MALRD1: variants seen among roughly 807,000 people sequenced by gnomAD.
The protein encoded by MALRD1 is MAM and LDL-receptor class A domain-containing protein 1.
MALRD1 carries 247 observed loss-of-function variants against 242.1 expected under a neutral mutation model. The observed-to-expected ratio is 1.02, with a 90% confidence interval of 0.92 to 1.13. The LOEUF (loss-of-function observed/expected upper bound fraction) is 1.13. MALRD1 is among the 50% of genes most tolerant of loss of function. The pLI is 0.00. For synonymous variants in MALRD1, 995 were observed against 866.6 expected (o/e 1.15, Z -2.60); for missense variants, 2,989 against 2,533.1 (o/e 1.18, Z -3.86).
At chr10:19,493,345 G>A (rs943867174) in intron 30 of MALRD1, 1 of 151,992 alleles carries the variant, frequency 6.6e-6, no homozygotes, top group Non-Finnish European at 1.5e-5. Flanking sequence ...TTAAATGAAA[G>A]TATTTTTAAA....
Position 19,498,646 on chromosome 10 carries a change from G to C in MALRD1, c.5320G>C (p.Gly1774Arg), listed in dbSNP as rs947450268. ...AATTCCAGACTCTGATCACACGCCA[G>C]GTAAATCTAGTAGCCATCCCCAGAC... The part of the protein sequence containing the change: ...ALIPDSDHTP[G>R]SGQHFLYVNS... Residue 1774 changes from glycine (G) to arginine (R), a missense_variant and splice_region_variant, in exon 31 of 40, where the codon GGT becomes CGT. Transcript: ENST00000454679. The C allele has an allele frequency of 5.1e-5, 79 of 1,548,586 alleles. No homozygotes were observed. The highest frequency in any genetic ancestry group is 6.4e-5 in the Non-Finnish European group (73 of 1,145,704).
Position 19,613,367 on chromosome 10 carries a change from C to A in MALRD1, c.6071-2490C>A, listed in dbSNP as rs140039085. On this transcript the variant is annotated intron_variant, in intron 35 of 39. Coordinates refer to ENST00000454679, the MANE Select transcript of MALRD1 (RefSeq NM_001142308.3). ...CACTTAAAATATAACATTATCTTTT[C>A]CTTTAAAAATCTTAATTCTCCATAA... 4.3e-3 allele frequency among the ~76,000 whole-genome samples: 654 copies of A among 152,088 alleles called. 4 individuals are homozygous for A. Among genetic ancestry groups the A allele is most frequent in the African/African-American group, 0.014 (575 of 41,534 alleles).
chr10:19,439,693 T>A (rs1326662610), intron 28 of MALRD1, among the ~76,000 whole-genome samples: 1 of 152,144 alleles, frequency 6.6e-6, no homozygotes, highest in African/African-American at 2.4e-5. Context: ...TTTAATGTAT[T>A]TAGTGTGTGT....
chr10:19,296,927 A>G (rs778190413), intron 21 of MALRD1, among the ~76,000 whole-genome samples: 1 of 151,802 alleles, frequency 6.6e-6, no homozygotes, highest in Non-Finnish European at 1.5e-5. Context: ...ATTATTACTA[A>G]TTATGTTTTC....
intron 33 of MALRD1, among the ~76,000 whole-genome samples, chr10:19,594,703 G>A (rs1837991377): frequency 6.6e-6 from 1 of 152,084 alleles, no homozygotes; most frequent in African/African-American, 2.4e-5. Context: ...TGGAGCTGGA[G>A]GCCATTATTC....
intron 26 of MALRD1, among the ~76,000 whole-genome samples, chr10:19,366,226 A>G (rs1015240065): frequency 6.6e-6 from 1 of 151,794 alleles, no homozygotes; most frequent in African/African-American, 2.4e-5. Flanking sequence ...CTGCAACTAG[A>G]TGGTCCCATC....
intron 33 of MALRD1, among the ~76,000 whole-genome samples, chr10:19,589,589 A>G (rs1457715724): frequency 6.6e-6 from 1 of 152,224 alleles, no homozygotes; most frequent in African/African-American, 2.4e-5. Context: ...AGGTCTGTAT[A>G]ATACCCCTAA....
intron 29 of MALRD1, among the ~76,000 whole-genome samples, chr10:19,486,536 T>A (rs1370245446): frequency 2.6e-5 from 4 of 152,150 alleles, no homozygotes; most frequent in African/African-American, 9.7e-5. Context: ...ATTCCAAAGC[T>A]GAATATGTGG....
chr10:19,100,717 G>A (rs1836219447), intron 4 of MALRD1, among the ~76,000 whole-genome samples: 1 of 152,128 alleles, frequency 6.6e-6, no homozygotes, highest in East Asian at 1.9e-4. Flanking sequence ...TGGAAACTGG[G>A]AAGGAGAGTT....
At chr10:19,328,527 A>T (rs1302742106) in intron 23 of MALRD1, among the ~76,000 whole-genome samples, 2 of 152,136 alleles carry the variant, frequency 1.3e-5, no homozygotes, top group African/African-American at 4.8e-5. Flanking sequence ...TTCCATGTGC[A>T]GCTGGGGTAG....
intron 17 of MALRD1, 29 bp from the exon 18 acceptor site, chr10:19,209,239 C>A: frequency 6.8e-7 from 1 of 1,473,536 alleles, no homozygotes; most frequent in East Asian, 2.5e-5. Context: ...CCCTAATTAT[C>A]TTTTGCTTTT....
At chr10:19,324,334 A>C (rs1588910703) in intron 22 of MALRD1, among the ~76,000 whole-genome samples, 1 of 152,180 alleles carries the variant, frequency 6.6e-6, no homozygotes, top group Non-Finnish European at 1.5e-5. Context: ...TGCTGAGGTT[A>C]CAGCTTCTGG....
At chr10:19,461,714 T>C (rs1835955538) in intron 29 of MALRD1, among the ~76,000 whole-genome samples, 1 of 151,902 alleles carries the variant, frequency 6.6e-6, no homozygotes, top group Non-Finnish European at 1.5e-5. Context: ...TGTGGTGGTG[T>C]ACACCTGTGG....
chr10:19,450,599 C>A (rs1835269528), intron 29 of MALRD1, 109 bp downstream of exon 29: 1 of 939,582 alleles, frequency 1.1e-6, no homozygotes. Flanking sequence ...TGTACACATA[C>A]ACAAATCAAT....
At chr10:19,618,523 T>G (rs968694161) in intron 36 of MALRD1, among the ~76,000 whole-genome samples, 1 of 152,114 alleles carries the variant, frequency 6.6e-6, no homozygotes, top group African/African-American at 2.4e-5. Context: ...ATAATAGCCA[T>G]TTTGACTGGT....
At chr10:19,563,867 G>T (rs1423879401) in intron 32 of MALRD1, among the ~76,000 whole-genome samples, 1 of 152,172 alleles carries the variant, frequency 6.6e-6, no homozygotes, top group Admixed American at 6.5e-5. Context: ...GGGGTCTTGG[G>T]TGTGGATCTC....
In MALRD1 at chr10:19,108,507, C is replaced by T. The variant is rs1206670754; in HGVS notation, c.694+4432C>T. Among the ~76,000 whole-genome samples, 8 of 57,662 alleles carry T rather than the reference C, an allele frequency of 1.4e-4. 1 individual carries two copies. The highest frequency in any genetic ancestry group is 5.7e-4 in the South Asian group (1 of 1,750). The allele number at this position is 57,662 out of a possible 152,430, so 37.8% of individuals were successfully genotyped here. A position where few individuals can be genotyped will look rare whatever the true frequency, so the allele number is the denominator to read the frequency against. On this transcript the variant is annotated intron_variant, in intron 5 of 39. Coordinates refer to ENST00000454679, the MANE Select transcript of MALRD1 (RefSeq NM_001142308.3). ...TCGGCTCACTGCAAGCTCCGCTTCC[C>T]GGGTTCACGCCATTCTCCTGCCTCA...
At chr10:19,369,026 CA>C (rs1564599984) in intron 26 of MALRD1, among the ~76,000 whole-genome samples, 1 of 147,328 alleles carries the variant, frequency 6.8e-6, no homozygotes, top group Non-Finnish European at 1.5e-5. Context: ...GTTAAACAGA[CA>C]AATAGATACT....
rs1243983456 is a variant in MALRD1, at chr10:19,595,446, A to T, written c.5933A>T (p.Glu1978Val). ...GVPDCHFNED[E>V]LICSNKSCSN... is the part of the protein sequence containing the mutation. Reference sequence around the variant, plus strand: ...CCCGACTGCCACTTTAATGAAGATGAGCTCATCTGCTGTGAGTTATTTTCA... The same window carrying T: ...CCCGACTGCCACTTTAATGAAGATGTGCTCATCTGCTGTGAGTTATTTTCA... Residue 1978 changes from glutamate (E) to valine (V), a missense_variant, in exon 34 of 40, where the codon GAG (glutamate) becomes GTG (valine). Physicochemically the swap from Glu to Val is moderately radical, Grantham distance 121. Transcript: ENST00000454679. 6.5e-7 allele frequency: 1 copy of T among 1,549,702 alleles called. No homozygotes were observed. Among genetic ancestry groups the T allele is most frequent in the South Asian group, 1.2e-5 (1 of 83,984 alleles).
Sources: gnomAD v4.1 joint callset for allele counts (sites outside exome capture counted in the v4.1 genomes callset) on GRCh38, gnomAD v4.1.1 for gene constraint, MANE v1.5 for transcripts, NCBI Gene and HGNC (gene_info 2026-07-23, HGNC 2026-07-21) for gene names.